Variants in GALNT18 observed in about 807,000 individuals in gnomAD.
GALNT18 encodes GalNAc-transferase 18.
A neutral mutation model predicts 69.5 loss-of-function variants in GALNT18; 44 were observed. The ratio of observed to expected loss-of-function variants is 0.63; its 90% CI spans 0.50 to 0.81. The LOEUF (loss-of-function observed/expected upper bound fraction) is 0.81, where lower values mean the gene tolerates loss of function less well. Ranked by LOEUF, GALNT18 falls within the 40% of genes least tolerant of loss-of-function variation. The pLI is 0.00. For missense variants in GALNT18, 715 were observed against 810.0 expected (o/e 0.88, Z 1.42); for synonymous variants, 364 against 318.2 (o/e 1.14, Z -1.53).
rs554532373 is a variant in GALNT18 at position 11,586,984 on chromosome 11, A to C, written c.235+34375T>G. On this transcript the variant is annotated intron_variant, in intron 1 of 10. Transcript: ENST00000227756. The surrounding 1 kb of genome is among the most constrained non-coding windows in gnomAD (Gnocchi z 4.1). ...GCCTGGGGAACAAGAGTGAAACCCC[A>C]TCTCCAAATAAATAAATAAATAAAT... Among the ~76,000 whole-genome samples, 1 of 151,814 alleles carries C rather than the reference A, an allele frequency of 6.6e-6. No individual in the cohort carries two copies. The highest frequency in any genetic ancestry group is 2.1e-4 in the South Asian group (1 of 4,826).
Position 11,341,724 on chromosome 11 carries a change from A to T in GALNT18, c.1093-720T>A, listed in dbSNP as rs567536344. Among the ~76,000 whole-genome samples the T allele has an allele frequency of 6.6e-6, 1 of 152,218 alleles. No individual in the cohort carries two copies. Among genetic ancestry groups the T allele is most frequent in the East Asian group, 1.9e-4 (1 of 5,174 alleles). On this transcript the variant is annotated intron_variant, in intron 6 of 10. Coordinates refer to ENST00000227756, the MANE Select transcript of GALNT18 (RefSeq NM_198516.3). The surrounding 1 kb of genome is among the most constrained non-coding windows in gnomAD (Gnocchi z 6.3). ...CATCCTGACCTTTCAATGTTCCTGA[A>T]CTTGCACTCTTTTGTGCTTCTAGGC...
At position 11,340,268 on chromosome 11, in the gene GALNT18, G is replaced by A. The variant is rs1000489471; in HGVS notation, c.1278+551C>T. Among the ~76,000 whole-genome samples, 5 of 56,296 alleles carry A rather than the reference G, an allele frequency of 8.9e-5. No homozygotes were observed. Among genetic ancestry groups the A allele is most frequent in the African/African-American group, 5.3e-4 (5 of 9,392 alleles). The allele number at this position is 56,296 out of a possible 152,430, so 36.9% of individuals were successfully genotyped here. ...GGGATAGAGGACAGTGGCAGGCAAT[G>A]ATGAGGCTCTGTGAAGGTTAACTCC... On this transcript the variant is annotated intron_variant, in intron 7 of 10. Transcript: ENST00000227756. The surrounding 1 kb of genome is among the most constrained non-coding windows in gnomAD (Gnocchi z 4.2).
rs1301142123 is a variant in GALNT18, at chr11:11,470,268, A to G, written c.236-21332T>C. Among the ~76,000 whole-genome samples, 1 of 152,214 alleles carries G rather than the reference A, an allele frequency of 6.6e-6. No homozygotes were observed. The highest frequency in any genetic ancestry group is 1.5e-5 in the Non-Finnish European group (1 of 68,042). Reference sequence around the variant, plus strand: ...CCAGGTCTTCAGTCCTCAGGCCCTAAGGTTAAGACCCAGGCACCAAGGGAC... The same window carrying G: ...CCAGGTCTTCAGTCCTCAGGCCCTAGGGTTAAGACCCAGGCACCAAGGGAC... On this transcript the variant is annotated intron_variant, in intron 1 of 10. Coordinates refer to ENST00000227756, the MANE Select transcript of GALNT18 (RefSeq NM_198516.3). The surrounding 1 kb of genome is among the most constrained non-coding windows in gnomAD (Gnocchi z 4.8).
In GALNT18 at chr11:11,604,655, T is replaced by C. The variant is rs1265227593; in HGVS notation, c.235+16704A>G. Among the ~76,000 whole-genome samples the C allele has an allele frequency of 1.3e-5, 2 of 152,218 alleles. No individual in the cohort carries two copies. Among genetic ancestry groups the C allele is most frequent in the African/African-American group, 4.8e-5 (2 of 41,460 alleles). On this transcript the variant is annotated intron_variant, in intron 1 of 10. Transcript: ENST00000227756. This position sits in a 1 kb window ranked among gnomAD's most constrained non-coding sequence, Gnocchi z 5.6. ...CATTTCAGAGCTTTGAGAAGCTTCC[T>C]GGATTTTGCTCCTGTTTTCTCAAAC...
chr11:11,594,981 ATGTG>A (rs75359341), intron 1 of GALNT18, among the ~76,000 whole-genome samples: 75 of 147,142 alleles, frequency 5.1e-4, no homozygotes, highest in African/African-American at 1.6e-3. Context: ...AAATATACAT[ATGTG>A]TGTGTGTGTG....
chr11:11,347,963 G>A lies in GALNT18; in HGVS notation c.1093-6959C>T, dbSNP rs546757444. ...AAAGTCACTCGCAGAGTGGCTGAACGGTCAGAGATGTAGGCAAATAATAGG... is the reference window on the plus strand; with the variant it reads ...AAAGTCACTCGCAGAGTGGCTGAACAGTCAGAGATGTAGGCAAATAATAGG... On this transcript the variant is annotated intron_variant, in intron 6 of 10. Coordinates refer to ENST00000227756, the MANE Select transcript of GALNT18 (RefSeq NM_198516.3). The surrounding 1 kb of genome is among the most constrained non-coding windows in gnomAD (Gnocchi z 4.0). 6.0e-4 allele frequency among the ~76,000 whole-genome samples: 91 copies of A among 152,264 alleles called. No individual in the cohort carries two copies. The highest frequency in any genetic ancestry group is 9.0e-4 in the Non-Finnish European group (61 of 68,006).
intron 1 of GALNT18, among the ~76,000 whole-genome samples, chr11:11,522,191 A>G (rs558593084): frequency 4.1e-4 from 62 of 152,282 alleles, no homozygotes; most frequent in African/African-American, 1.3e-3. Flanking sequence ...CTACCTCCAC[A>G]TGACCTCTCC....
chr11:11,468,791 C>T (rs896344958), intron 1 of GALNT18, among the ~76,000 whole-genome samples: 3 of 152,200 alleles, frequency 2.0e-5, no homozygotes, highest in African/African-American at 7.2e-5. Flanking sequence ...GCAGCTGTCA[C>T]TGAAGGGGGT....
At chr11:11,417,437 C>A (rs553574772) in intron 3 of GALNT18, among the ~76,000 whole-genome samples, 1 of 152,298 alleles carries the variant, frequency 6.6e-6, no homozygotes, top group African/African-American at 2.4e-5. Flanking sequence ...TCAAGAGAAG[C>A]TTCTGCTTCT....
In GALNT18 at chr11:11,271,248, G is replaced by C. The variant is rs1436873765; in HGVS notation, c.1720C>G (p.Leu574Val). ...QNRKSKRCLE[L>V]QENSDLEFGF... ...AACTCCAGGTCGCTATTCTCCTGCA[G>C]CTCCAGACAGCGCTTAGACTTGCGG... Residue 574 changes from leucine (L) to valine (V), a missense_variant, in exon 11 of 11, where the codon CTG (leucine) becomes GTG (valine). Coordinates refer to ENST00000227756, the MANE Select transcript of GALNT18 (RefSeq NM_198516.3). The C allele has an allele frequency of 6.2e-7, 1 of 1,614,112 alleles. No homozygotes were observed. The highest frequency in any genetic ancestry group is 8.5e-7 in the Non-Finnish European group (1 of 1,179,998).
At chr11:11,378,952 A>T in intron 4 of GALNT18, 129 bp downstream of exon 4, 1 of 883,418 alleles carries the variant, frequency 1.1e-6, no homozygotes, top group Non-Finnish European at 1.7e-6. Context: ...ACACACCTAC[A>T]TCTCACCTAT....
intron 3 of GALNT18, among the ~76,000 whole-genome samples, chr11:11,424,305 A>C (rs552221657): frequency 6.6e-6 from 1 of 152,264 alleles, no homozygotes; most frequent in Admixed American, 6.5e-5. Flanking sequence ...GAGGTGCCCA[A>C]GTTGATGCCT....
intron 1 of GALNT18, among the ~76,000 whole-genome samples, chr11:11,485,608 T>G (rs1856627273): frequency 6.6e-6 from 1 of 152,118 alleles, no homozygotes; most frequent in African/African-American, 2.4e-5. Context: ...AAGACCAATT[T>G]CATGAGTGCT....
At chr11:11,401,950 A>G (rs1022757457) in intron 3 of GALNT18, among the ~76,000 whole-genome samples, 2 of 152,102 alleles carry the variant, frequency 1.3e-5, no homozygotes, top group Non-Finnish European at 2.9e-5. Flanking sequence ...AGGGCTTTAC[A>G]GAAGCACTGG....
In GALNT18 at chr11:11,620,792, G is replaced by C. The variant is rs1860173447; in HGVS notation, c.235+567C>G. On this transcript the variant is annotated intron_variant, in intron 1 of 10. Coordinates refer to ENST00000227756, the MANE Select transcript of GALNT18 (RefSeq NM_198516.3). The surrounding 1 kb of genome is among the most constrained non-coding windows in gnomAD (Gnocchi z 6.9). ...GCTTTTCAACCACAGAGGGCTCCTT[G>C]CATTCCCTATCGCCTACCAACGGGA... 6.6e-6 allele frequency among the ~76,000 whole-genome samples: 1 copy of C among 152,180 alleles called. No individual in the cohort carries two copies. The highest frequency in any genetic ancestry group is 2.4e-5 in the African/African-American group (1 of 41,450).
rs529702187 is a variant in GALNT18, at chr11:11,591,708, C to A, written c.235+29651G>T. Among the ~76,000 whole-genome samples, 1 of 152,304 alleles carries A rather than the reference C, an allele frequency of 6.6e-6. No homozygotes were observed. Among genetic ancestry groups the A allele is most frequent in the South Asian group, 2.1e-4 (1 of 4,820 alleles). On this transcript the variant is annotated intron_variant, in intron 1 of 10. Transcript: ENST00000227756. The surrounding 1 kb of genome is among the most constrained non-coding windows in gnomAD (Gnocchi z 4.8). ...TGAGATAGTAATAGAAGTGCATTTT[C>A]TTTAGTGCCAGATGGAAATACAATG... is the stretch of plus-strand genomic sequence containing the variant.
In GALNT18 at chr11:11,598,827, TTTC is replaced by T. The variant is rs953310091; in HGVS notation, c.235+22529_235+22531del. Among the ~76,000 whole-genome samples the T allele has an allele frequency of 1.5e-4, 22 of 148,500 alleles. No individual in the cohort carries two copies. Among genetic ancestry groups the T allele is most frequent in the Non-Finnish European group, 4.4e-5 (3 of 68,008 alleles). On this transcript the variant is annotated intron_variant, in intron 1 of 10. Transcript: ENST00000227756. The surrounding 1 kb of genome is among the most constrained non-coding windows in gnomAD (Gnocchi z 4.8). ...CCTCAAAATAGTGTGCAATTTCCCT[TTTC>T]TTCTTCTATCCCTTGGTTATTTAGG...
At chr11:11,510,729 A>G (rs4910368) in intron 1 of GALNT18, among the ~76,000 whole-genome samples, 5,403 of 152,280 alleles carry the variant, frequency 0.035, 122 homozygotes, top group Non-Finnish European at 0.057. Context: ...TGGCCCATCT[A>G]TCTTTTCTTC....
At chr11:11,406,170 A>C (rs1470101334) in intron 3 of GALNT18, among the ~76,000 whole-genome samples, 1 of 152,222 alleles carries the variant, frequency 6.6e-6, no homozygotes, top group African/African-American at 2.4e-5. Flanking sequence ...TATGTCATTG[A>C]ATTTTAAAAT....
Sources: gnomAD v4.1 joint callset for allele counts (sites outside exome capture counted in the v4.1 genomes callset) on GRCh38, gnomAD v4.1.1 for gene constraint, Gnocchi (gnomAD v3.1) non-coding constraint, MANE v1.5 for transcripts, NCBI Gene and HGNC (gene_info 2026-07-23, HGNC 2026-07-21) for gene names.